ZDHHC14: variants seen among roughly 807,000 people sequenced by gnomAD.
ZDHHC14 encodes palmitoyltransferase ZDHHC14.
ZDHHC14 carries 16 observed loss-of-function variants against 47.7 expected under a neutral mutation model. The ratio of observed to expected loss-of-function variants is 0.34; its 90% confidence interval spans 0.23 to 0.51. The LOEUF (loss-of-function observed/expected upper bound fraction) is 0.51. Ranked by LOEUF, ZDHHC14 falls within the 20% of genes least tolerant of loss-of-function variation. The probability of loss-of-function intolerance (pLI) is 0.97; values close to 1 mark genes in which losing one functional copy is unlikely to be tolerated. For missense variants in ZDHHC14, 515 were observed against 662.5 expected, an observed-to-expected ratio of 0.78 and a Z score of 2.44; for synonymous variants, 293 against 278.9, an observed-to-expected ratio of 1.05 and a Z score of -0.50.
chr6:157,655,534 C>T (rs1778046047), intron 8 of ZDHHC14, among the ~76,000 whole-genome samples: 1 of 152,258 alleles, frequency 6.6e-6, no homozygotes, highest in South Asian at 2.1e-4. Context: ...GGACAGAGCT[C>T]ACCAGAATTC....
chr6:157,600,312 A>G (rs1784292289), intron 3 of ZDHHC14, among the ~76,000 whole-genome samples: 1 of 152,234 alleles, frequency 6.6e-6, no homozygotes, highest in Non-Finnish European at 1.5e-5. Context: ...TATTCCAGGA[A>G]TGTGATTTTT....
intron 1 of ZDHHC14, among the ~76,000 whole-genome samples, chr6:157,470,127 C>T: frequency 6.6e-6 from 1 of 152,116 alleles, no homozygotes; most frequent in Admixed American, 6.5e-5. Context: ...TCTCTCATAG[C>T]CAAAAAAGTC....
At chr6:157,566,602 G>A (rs1396634422) in intron 2 of ZDHHC14, among the ~76,000 whole-genome samples, 1 of 152,172 alleles carries the variant, frequency 6.6e-6, no homozygotes, top group Non-Finnish European at 1.5e-5. Flanking sequence ...CACTCTGGCG[G>A]GCTGGACACC....
intron 1 of ZDHHC14, among the ~76,000 whole-genome samples, chr6:157,411,100 T>C (rs966466127): frequency 6.6e-6 from 1 of 152,162 alleles, no homozygotes; most frequent in African/African-American, 2.4e-5. Flanking sequence ...AGCTTTTGAA[T>C]ATGCCATTTT....
intron 3 of ZDHHC14, among the ~76,000 whole-genome samples, chr6:157,611,384 T>C (rs1369532153): frequency 1.3e-5 from 2 of 152,222 alleles, no homozygotes; most frequent in African/African-American, 2.4e-5. Context: ...AGGTATCACG[T>C]CTTTTTTATT....
At chr6:157,530,380 G>A (rs1280511278) in intron 1 of ZDHHC14, among the ~76,000 whole-genome samples, 1 of 152,170 alleles carries the variant, frequency 6.6e-6, no homozygotes, top group Non-Finnish European at 1.5e-5. Context: ...TCGATACCAC[G>A]GGCATTGTTT....
intron 2 of ZDHHC14, among the ~76,000 whole-genome samples, chr6:157,543,481 CA>C (rs1781849721): frequency 6.6e-6 from 1 of 152,132 alleles, no homozygotes; most frequent in Non-Finnish European, 1.5e-5. Flanking sequence ...TTGGTGTGAA[CA>C]TAATGTTTAG....
chr6:157,480,655 C>A (rs1779604273), intron 1 of ZDHHC14, among the ~76,000 whole-genome samples: 1 of 152,190 alleles, frequency 6.6e-6, no homozygotes, highest in African/African-American at 2.4e-5. Flanking sequence ...ACTTTGCTAC[C>A]CATGGCATGC....
At chr6:157,565,891 C>T (rs1782883854) in intron 2 of ZDHHC14, among the ~76,000 whole-genome samples, 1 of 152,124 alleles carries the variant, frequency 6.6e-6, no homozygotes, top group Non-Finnish European at 1.5e-5. Flanking sequence ...CTCCAGCCCC[C>T]TGTTATATAC....
intron 2 of ZDHHC14, among the ~76,000 whole-genome samples, chr6:157,570,133 G>A (rs1783043027): frequency 6.6e-6 from 1 of 152,138 alleles, no homozygotes; most frequent in Admixed American, 6.5e-5. Flanking sequence ...TCTTGCACCA[G>A]TCCGGTGTAG....
chr6:157,518,571 G>T (rs1423543339), intron 1 of ZDHHC14, among the ~76,000 whole-genome samples: 2 of 152,144 alleles, frequency 1.3e-5, no homozygotes, highest in African/African-American at 4.8e-5. Context: ...TCTGTCTGTA[G>T]GTGACACCCA....
chr6:157,466,763 A>G (rs976475097), intron 1 of ZDHHC14, among the ~76,000 whole-genome samples: 3 of 151,076 alleles, frequency 2.0e-5, no homozygotes, highest in African/African-American at 7.3e-5. Flanking sequence ...AGTTGAACCC[A>G]GGAGATGAAA....
chr6:157,435,469 T>G (rs1202493154), intron 1 of ZDHHC14, among the ~76,000 whole-genome samples: 1 of 152,154 alleles, frequency 6.6e-6, no homozygotes, highest in Admixed American at 6.5e-5. Context: ...TCTTAATTAA[T>G]GGCAGTTTGT....
intron 2 of ZDHHC14, among the ~76,000 whole-genome samples, chr6:157,551,197 C>T (rs1265405342): frequency 6.6e-6 from 1 of 152,226 alleles, no homozygotes; most frequent in African/African-American, 2.4e-5. Flanking sequence ...CCATCTCTCA[C>T]AACAGCTTTC....
intron 1 of ZDHHC14, among the ~76,000 whole-genome samples, chr6:157,510,587 G>T (rs1358046571): frequency 2.0e-5 from 3 of 152,166 alleles, no homozygotes; most frequent in Non-Finnish European, 4.4e-5. Context: ...GCTCTTCCAG[G>T]GCCTCCCCCT....
At chr6:157,439,719 T>C (rs190438797) in intron 1 of ZDHHC14, among the ~76,000 whole-genome samples, 8 of 152,322 alleles carry the variant, frequency 5.3e-5, no homozygotes, top group African/African-American at 1.2e-4. Flanking sequence ...CATATATTCA[T>C]TGCAGCACTA....
At chr6:157,637,121 C>A (rs1404936771) in intron 5 of ZDHHC14, among the ~76,000 whole-genome samples, 1 of 152,156 alleles carries the variant, frequency 6.6e-6, no homozygotes, top group Non-Finnish European at 1.5e-5. Context: ...ATTAGAGAAC[C>A]ATGTGCTGAG....
At chr6:157,451,696 G>T (rs898797259) in intron 1 of ZDHHC14, among the ~76,000 whole-genome samples, 1 of 152,112 alleles carries the variant, frequency 6.6e-6, no homozygotes, top group African/African-American at 2.4e-5. Flanking sequence ...GAGTAGCTGG[G>T]ATTACAGGTG....
At chr6:157,602,105 G>C (rs35043437) in intron 3 of ZDHHC14, among the ~76,000 whole-genome samples, 1 of 152,008 alleles carries the variant, frequency 6.6e-6, no homozygotes, top group Non-Finnish European at 1.5e-5. Flanking sequence ...GGGAGGCTTA[G>C]GCAGGAGAAT....
Sources: allele counts gnomAD v4.1 joint callset (sites outside exome capture counted in the v4.1 genomes callset), GRCh38; gene constraint gnomAD v4.1.1; transcripts MANE v1.5; gene names NCBI Gene and HGNC (gene_info 2026-07-23, HGNC 2026-07-21).